The following PDGFD variants were observed in gnomAD, a reference collection of about 807,000 sequenced individuals.
PDGFD encodes platelet-derived growth factor D.
A neutral mutation model predicts 44.7 loss-of-function variants in PDGFD; 30 were observed. The ratio of observed to expected loss-of-function variants is 0.67; its 90% CI spans 0.50 to 0.91. The LOEUF is 0.91. Among genes scored for constraint, PDGFD ranks in the 40% least tolerant of loss-of-function variants. PDGFD has a pLI of 0.00. For missense variants in PDGFD, 445 were observed against 457.8 expected (o/e 0.97, Z 0.25); for synonymous variants, 173 against 168.4 (o/e 1.03, Z -0.21).
At chr11:104,041,610 A>T (rs973556870) in intron 1 of PDGFD, among the ~76,000 whole-genome samples, 1 of 152,140 alleles carries the variant, frequency 6.6e-6, no homozygotes, top group African/African-American at 2.4e-5. Flanking sequence ...CCTTGGCTTC[A>T]CTTAATGCTC....
intron 1 of PDGFD, among the ~76,000 whole-genome samples, chr11:104,019,017 C>A (rs1017403135): frequency 6.6e-6 from 1 of 152,184 alleles, no homozygotes; most frequent in African/African-American, 2.4e-5. Flanking sequence ...GTGTCCTCTG[C>A]AAAGAATGCT....
chr11:103,950,723 AC>A (rs1163628239), intron 3 of PDGFD, among the ~76,000 whole-genome samples: 3 of 152,150 alleles, frequency 2.0e-5, no homozygotes, highest in Admixed American at 6.5e-5. Flanking sequence ...CCACAGTGTT[AC>A]AGCTGCCTTG....
chr11:104,113,908 G>C (rs758306354), intron 1 of PDGFD, among the ~76,000 whole-genome samples: 1 of 151,918 alleles, frequency 6.6e-6, no homozygotes, highest in Non-Finnish European at 1.5e-5. Context: ...ATCTTCTTTG[G>C]TGAGGTGTCT....
intron 1 of PDGFD, among the ~76,000 whole-genome samples, chr11:104,089,384 A>G (rs754323329): frequency 6.6e-6 from 1 of 152,208 alleles, no homozygotes. Flanking sequence ...ATCCTTAAAA[A>G]TAACAGTGCT....
rs560072825 is a variant in PDGFD at position 104,160,862 on chromosome 11, G to C, written c.124+2942C>G. Among the ~76,000 whole-genome samples, 4 of 152,192 alleles carry C rather than the reference G, an allele frequency of 2.6e-5. No homozygotes were observed. The South Asian group carries it at 8.3e-4, about 32-fold the overall frequency. Reference sequence around the variant, plus strand: ...AGCAGCAGATCAGCTTCTTATAATGGGTAGAAGCAGACTATCATTCGACAA... The same window carrying C: ...AGCAGCAGATCAGCTTCTTATAATGCGTAGAAGCAGACTATCATTCGACAA... On this transcript the variant is annotated intron_variant, in intron 1 of 6. Transcript: ENST00000393158.
At chr11:103,919,083 G>C (rs963389173) in intron 6 of PDGFD, among the ~76,000 whole-genome samples, 32 of 152,146 alleles carry the variant, frequency 2.1e-4, no homozygotes, top group African/African-American at 7.7e-4. Flanking sequence ...ACACCTATGG[G>C]TGCAAATGGG....
In PDGFD at chr11:103,908,111, G is replaced by A. The variant is rs1261105983; in HGVS notation, c.*1583C>T. On this transcript the variant is annotated 3_prime_UTR_variant, in exon 7 of 7. Transcript: ENST00000393158. ...CTGTCACCCAAACTGGTTGTAGTTA[G>A]TAGGACCACAAAGTCACTGAAGAAA... 6.6e-6 allele frequency: 1 copy of A among 152,188 alleles called. No homozygotes were observed. The highest frequency in any genetic ancestry group is 6.5e-5 in the Admixed American group (1 of 15,282). The allele number at this position is 152,188 out of a possible 1,614,324, so 9.4% of individuals were successfully genotyped here. A position where few individuals can be genotyped will look rare whatever the true frequency, so the allele number is the denominator to read the frequency against.
intron 1 of PDGFD, among the ~76,000 whole-genome samples, chr11:104,093,699 A>T (rs590216): frequency 3.3e-5 from 5 of 151,378 alleles, no homozygotes; most frequent in South Asian, 2.1e-4. Context: ...AGAATCTATG[A>T]GGCTTTAACT....
intron 5 of PDGFD, among the ~76,000 whole-genome samples, chr11:103,931,699 G>C (rs544474020): frequency 2.0e-5 from 3 of 151,998 alleles, no homozygotes; most frequent in Non-Finnish European, 4.4e-5. Context: ...CAATTCTCCC[G>C]CCTCAGCCTT....
At chr11:104,010,668 C>A (rs1023801636) in intron 1 of PDGFD, among the ~76,000 whole-genome samples, 2 of 152,030 alleles carry the variant, frequency 1.3e-5, no homozygotes, top group Non-Finnish European at 2.9e-5. Flanking sequence ...CCCAAAATAA[C>A]CATGGTAGAT....
chr11:103,927,082 T>A lies in PDGFD; in HGVS notation c.817A>T (p.Thr273Ser). The A allele has an allele frequency of 6.2e-7, 1 of 1,614,092 alleles. No individual in the cohort carries two copies. The highest frequency in any genetic ancestry group is 8.5e-7 in the Non-Finnish European group (1 of 1,180,002). Residue 273 changes from threonine (T) to serine (S), a missense_variant, in exon 6 of 7, where the codon ACT (threonine) becomes TCT (serine). Transcript: ENST00000393158. ...LNDDAKRYSCTPRNYSVNIRE... is the reference protein window; with the variant it reads ...LNDDAKRYSCSPRNYSVNIRE... ...ATATTGACCGAGTAATTCCTGGGAG[T>A]GCAACTGTAACGCTTGGCATCATCA...
chr11:104,146,635 G>A (rs1862166652), intron 1 of PDGFD, among the ~76,000 whole-genome samples: 3 of 152,020 alleles, frequency 2.0e-5, no homozygotes. Context: ...ACCTTGAAAG[G>A]GGCCAATCAA....
At chr11:104,063,434 T>C (rs1377799923) in intron 1 of PDGFD, among the ~76,000 whole-genome samples, 1 of 152,008 alleles carries the variant, frequency 6.6e-6, no homozygotes, top group Non-Finnish European at 1.5e-5. Context: ...CATTAAATCA[T>C]AGACTTCTGA....
chr11:104,101,041 C>G (rs938877908), intron 1 of PDGFD, among the ~76,000 whole-genome samples: 3 of 152,096 alleles, frequency 2.0e-5, no homozygotes, highest in Non-Finnish European at 2.9e-5. Flanking sequence ...AAAACTGGCA[C>G]AAGACAGGGA....
intron 3 of PDGFD, among the ~76,000 whole-genome samples, chr11:103,968,065 C>T (rs538383436): frequency 2.2e-4 from 34 of 152,224 alleles, no homozygotes; most frequent in African/African-American, 7.2e-4. Flanking sequence ...TTTTACGTGA[C>T]GTCTTTCTTG....
chr11:103,937,659 C>T (rs1858513204), intron 5 of PDGFD, among the ~76,000 whole-genome samples: 1 of 150,380 alleles, frequency 6.6e-6, no homozygotes, highest in African/African-American at 2.4e-5. Context: ...CCCATTAACT[C>T]GTCATTTAAC....
At chr11:104,138,084 C>T (rs144788593) in intron 1 of PDGFD, among the ~76,000 whole-genome samples, 28 of 152,096 alleles carry the variant, frequency 1.8e-4, no homozygotes, top group East Asian at 5.8e-4. Flanking sequence ...GTTATGAAGA[C>T]GAATATTTTC....
At chr11:104,006,834 C>T (rs931133248) in intron 1 of PDGFD, among the ~76,000 whole-genome samples, 13 of 152,264 alleles carry the variant, frequency 8.5e-5, no homozygotes, top group South Asian at 4.1e-4. Context: ...TGGTGAGAGC[C>T]GCCTCCACCA....
At chr11:104,025,162 T>C (rs1860023697) in intron 1 of PDGFD, among the ~76,000 whole-genome samples, 1 of 152,238 alleles carries the variant, frequency 6.6e-6, no homozygotes, top group Admixed American at 6.5e-5. Context: ...ATATTGTAAT[T>C]ACCAACTGCA....
Sources: allele counts gnomAD v4.1 joint callset (sites outside exome capture counted in the v4.1 genomes callset), GRCh38; gene constraint gnomAD v4.1.1; transcripts MANE v1.5; gene names NCBI Gene and HGNC (gene_info 2026-07-23, HGNC 2026-07-21).